PARD3: variants seen among roughly 807,000 people sequenced by gnomAD.
PARD3 encodes partitioning defective 3 homolog.
Under a neutral mutation model 155.4 loss-of-function variants are expected in PARD3, and 75 were observed. The ratio of observed to expected loss-of-function variants is 0.48; its 90% CI spans 0.40 to 0.58. The LOEUF is 0.58. PARD3 is among the 20% of genes least tolerant of loss of function. PARD3 has a pLI of 0.00. For missense variants in PARD3, 1,642 were observed against 1,721.7 expected (o/e 0.95, Z 0.82); for synonymous variants, 576 against 610.5 (o/e 0.94, Z 0.83).
At chr10:34,214,053 G>A (rs1951883740) in intron 22 of PARD3, among the ~76,000 whole-genome samples, 1 of 151,964 alleles carries the variant, frequency 6.6e-6, no homozygotes, top group Non-Finnish European at 1.5e-5. Flanking sequence ...GCACCACCAT[G>A]CCCAGCTAAT....
intron 22 of PARD3, among the ~76,000 whole-genome samples, chr10:34,187,623 T>G (rs867970532): frequency 6.6e-6 from 1 of 152,242 alleles, no homozygotes; most frequent in Non-Finnish European, 1.5e-5. Flanking sequence ...GATGTAAATT[T>G]AGCCCCTAAA....
At chr10:34,798,399 A>G in intron 1 of PARD3, among the ~76,000 whole-genome samples, 1 of 151,338 alleles carries the variant, frequency 6.6e-6, no homozygotes, top group African/African-American at 2.4e-5. Context: ...GGAGGAGGAG[A>G]AGAGGAAGAA....
At chr10:34,159,084 T>C (rs1314626155) in intron 22 of PARD3, among the ~76,000 whole-genome samples, 1 of 152,234 alleles carries the variant, frequency 6.6e-6, no homozygotes. Context: ...ATGTATTCAC[T>C]GGTAATAAAC....
intron 1 of PARD3, among the ~76,000 whole-genome samples, chr10:34,736,638 C>CTTTA (rs144845769): frequency 9.7e-4 from 133 of 136,488 alleles, no homozygotes; most frequent in African/African-American, 3.8e-3. Context: ...AAATAGGTTA[C>CTTTA]TTTATTAATT....
At chr10:34,315,046 GA>G (rs1242899882) in intron 20 of PARD3, among the ~76,000 whole-genome samples, 12 of 150,620 alleles carry the variant, frequency 8.0e-5, no homozygotes, top group African/African-American at 1.5e-4. Context: ...TTTTTAGGGG[GA>G]AAAAAAAACC....
chr10:34,268,015 G>A (rs2582855), intron 22 of PARD3, among the ~76,000 whole-genome samples: 85,678 of 152,012 alleles, frequency 0.56, 25,111 homozygotes, highest in African/African-American at 0.73. Flanking sequence ...AAACCACTAT[G>A]AGAGATGATG....
chr10:34,302,173 G>A (rs1359728896), intron 20 of PARD3, among the ~76,000 whole-genome samples: 1 of 152,112 alleles, frequency 6.6e-6, no homozygotes, highest in Non-Finnish European at 1.5e-5. Context: ...CGCAAACCGA[G>A]AGGATTTCCA....
chr10:34,720,977 A>G (rs897625239), intron 1 of PARD3, among the ~76,000 whole-genome samples: 1 of 152,202 alleles, frequency 6.6e-6, no homozygotes, highest in African/African-American at 2.4e-5. Context: ...GCCCAATGTC[A>G]TGATGAAATA....
chr10:34,156,069 C>T (rs1406940088), intron 22 of PARD3, among the ~76,000 whole-genome samples: 1 of 152,064 alleles, frequency 6.6e-6, no homozygotes, highest in East Asian at 1.9e-4. Flanking sequence ...CTCAAGGCTA[C>T]AGATAAGTAT....
At chr10:34,580,690 C>T (rs1280249862) in intron 2 of PARD3, among the ~76,000 whole-genome samples, 1 of 152,194 alleles carries the variant, frequency 6.6e-6, no homozygotes, top group Non-Finnish European at 1.5e-5. Flanking sequence ...TCATCTCCCA[C>T]ATTTAAATTT....
intron 5 of PARD3, among the ~76,000 whole-genome samples, chr10:34,414,234 G>A (rs1185122376): frequency 2.6e-5 from 4 of 151,022 alleles, no homozygotes; most frequent in African/African-American, 9.7e-5. Flanking sequence ...AAAAAAAAAA[G>A]GGAGGGGGGA....
intron 24 of PARD3, among the ~76,000 whole-genome samples, chr10:34,114,526 T>A (rs1946560697): frequency 1.3e-5 from 2 of 152,086 alleles, no homozygotes; most frequent in Admixed American, 1.3e-4. Flanking sequence ...GTATTGTTAG[T>A]AGAGATGGGA....
intron 5 of PARD3, among the ~76,000 whole-genome samples, chr10:34,421,638 A>G (rs1846198523): frequency 3.3e-5 from 5 of 152,168 alleles, no homozygotes; most frequent in Admixed American, 2.6e-4. Context: ...ATTCAGAGAG[A>G]ATTCCCACCC....
At chr10:34,762,002 A>G (rs970010517) in intron 1 of PARD3, among the ~76,000 whole-genome samples, 2 of 152,198 alleles carry the variant, frequency 1.3e-5, no homozygotes, top group African/African-American at 4.8e-5. Context: ...ACAAAAGAGC[A>G]TTCAATTTTA....
At chr10:34,682,596 C>A (rs1340787642) in intron 2 of PARD3, among the ~76,000 whole-genome samples, 1 of 152,142 alleles carries the variant, frequency 6.6e-6, no homozygotes, top group African/African-American at 2.4e-5. Flanking sequence ...TGACTCACAC[C>A]TGTAATCTAA....
Position 34,119,665 on chromosome 10 carries a change from C to CCTGCCG in PARD3, c.3610_3615dup (p.Arg1204_Gln1205dup), listed in dbSNP as rs546526316. 1.5e-5 allele frequency: 24 copies of CCTGCCG among 1,611,982 alleles called. No homozygotes were observed. The highest frequency in any genetic ancestry group is 6.6e-5 in the South Asian group (6 of 90,848). ...GCCTGCTGGGAGCTCTCGCGCTCCT[C>CCTGCCG]CTGCCGCTGCCGCTGCATCTGCACC... On this transcript the variant is annotated inframe_insertion, in exon 24 of 25. Transcript: ENST00000374788.
chr10:34,215,418 C>A (rs1331146950), intron 22 of PARD3, among the ~76,000 whole-genome samples: 1 of 152,148 alleles, frequency 6.6e-6, no homozygotes, highest in Non-Finnish European at 1.5e-5. Context: ...TCATGATAGG[C>A]AAGCTGAAAT....
At chr10:34,722,031 A>T (rs1042938142) in intron 1 of PARD3, among the ~76,000 whole-genome samples, 1 of 152,058 alleles carries the variant, frequency 6.6e-6, no homozygotes, top group African/African-American at 2.4e-5. Context: ...ATAATAATAA[A>T]AAACACAAAA....
chr10:34,759,594 A>G (rs1488255476), intron 1 of PARD3, among the ~76,000 whole-genome samples: 1 of 152,252 alleles, frequency 6.6e-6, no homozygotes, highest in Non-Finnish European at 1.5e-5. Flanking sequence ...GAGCAAAGAA[A>G]AAGTATTCAT....
Sources: gnomAD v4.1 joint callset for allele counts (sites outside exome capture counted in the v4.1 genomes callset) on GRCh38, gnomAD v4.1.1 for gene constraint, MANE v1.5 for transcripts, NCBI Gene and HGNC (gene_info 2026-07-23, HGNC 2026-07-21) for gene names.